Variants in ERC1 observed in about 807,000 individuals in gnomAD.
ERC1 encodes the protein ELKS/RAB6-interacting/CAST family member 1.
In ERC1, 56 loss-of-function variants were observed where a neutral mutation model predicts 132.0. The ratio of observed to expected loss-of-function variants is 0.42; its 90% CI spans 0.34 to 0.53. The LOEUF is 0.53. ERC1 is among the 20% of genes least tolerant of loss of function. The pLI is 0.03. For synonymous variants in ERC1, 478 were observed against 476.1 expected (o/e 1.00, Z -0.05); for missense variants, 1,202 against 1,349.9 (o/e 0.89, Z 1.72).
intron 8 of ERC1, among the ~76,000 whole-genome samples, chr12:1,144,368 CTG>C (rs1950131977): frequency 6.6e-6 from 1 of 152,112 alleles, no homozygotes; most frequent in African/African-American, 2.4e-5. Flanking sequence ...ACAGTGGACA[CTG>C]TACCCAATGT....
chr12:1,293,629 CAAA>C (rs570069080), intron 15 of ERC1, among the ~76,000 whole-genome samples: 1 of 110,480 alleles, frequency 9.1e-6, no homozygotes, highest in Non-Finnish European at 2.0e-5. Flanking sequence ...AACTCTGTCT[CAAA>C]AAAAAAAAAA....
At chr12:1,225,031 GA>G (rs1168860549) in intron 12 of ERC1, among the ~76,000 whole-genome samples, 4 of 151,884 alleles carry the variant, frequency 2.6e-5, no homozygotes, top group African/African-American at 9.7e-5. Flanking sequence ...AAAACAAAAA[GA>G]AAAAAACATG....
chr12:1,356,304 A>G (rs2085534550), intron 15 of ERC1, among the ~76,000 whole-genome samples: 1 of 151,992 alleles, frequency 6.6e-6, no homozygotes, highest in Non-Finnish European at 1.5e-5. Flanking sequence ...TGCAAAATAT[A>G]AACAGTAATA....
chr12:1,290,514 A>G (rs118122108), intron 15 of ERC1, among the ~76,000 whole-genome samples: 2,022 of 152,314 alleles, frequency 0.013, 20 homozygotes, highest in Middle Eastern at 0.044. Flanking sequence ...GAGCTTTGCT[A>G]TACACATTTT....
intron 17 of ERC1, among the ~76,000 whole-genome samples, chr12:1,408,469 A>G (rs1365541747): frequency 1.3e-5 from 2 of 152,220 alleles, no homozygotes; most frequent in African/African-American, 2.4e-5. Flanking sequence ...GATTTGAACA[A>G]TAAAGAATGC....
At chr12:1,239,400 TC>T (rs1320189241) in intron 13 of ERC1, among the ~76,000 whole-genome samples, 1 of 152,090 alleles carries the variant, frequency 6.6e-6, no homozygotes, top group East Asian at 1.9e-4. Context: ...TTAGGGGTAC[TC>T]CCCACCACTG....
rs1592404695 is a variant in ERC1, at chr12:1,494,791, CGTA to C, written c.*4564_*4566del. 1.3e-5 allele frequency: 3 copies of C among 229,664 alleles called. No individual in the cohort carries two copies. Among genetic ancestry groups the C allele is most frequent in the East Asian group, 6.2e-5 (1 of 16,130 alleles). 14.2% of individuals were successfully genotyped at this position (229,664 alleles called of 1,614,324 possible). A position where few individuals can be genotyped will look rare whatever the true frequency, so the allele number is the denominator to read the frequency against. Reference sequence around the variant, plus strand: ...TGTTGAGATTATTAAAAGATTAAAACGTAGTTGTAGAAATGAAAAATTAAACAG... The same window carrying C: ...TGTTGAGATTATTAAAAGATTAAAACGTTGTAGAAATGAAAAATTAAACAG... On this transcript the variant is annotated 3_prime_UTR_variant, in exon 19 of 19. Coordinates refer to ENST00000360905, the MANE Select transcript of ERC1 (RefSeq NM_178040.4).
chr12:1,188,279 C>G (rs1347757935), intron 11 of ERC1, among the ~76,000 whole-genome samples: 1 of 152,094 alleles, frequency 6.6e-6, no homozygotes, highest in East Asian at 1.9e-4. Context: ...TTGTTGTCCC[C>G]TCTCTTTATG....
At chr12:1,468,592 A>AC (rs1196619886) in intron 18 of ERC1, among the ~76,000 whole-genome samples, 6 of 151,960 alleles carry the variant, frequency 3.9e-5, no homozygotes, top group Non-Finnish European at 7.4e-5. Context: ...ACAGAGCAAG[A>AC]CCCCATCAAA....
rs2078552361 is a variant in ERC1, at chr12:1,279,831, G to A, written c.2620-10021G>A. 2.0e-5 allele frequency among the ~76,000 whole-genome samples: 3 copies of A among 152,088 alleles called. No homozygotes were observed. In the South Asian group the frequency reaches 6.2e-4, roughly 32 times the overall value. On this transcript the variant is annotated intron_variant, in intron 14 of 18. Coordinates refer to ENST00000360905, the MANE Select transcript of ERC1 (RefSeq NM_178040.4). The stretch of plus-strand genomic sequence containing the variant: ...CTGCCTCAGCTTCCCAAGTAGCTGG[G>A]ACTACAGGCGTGCGCCACCATGCCC...
At chr12:1,122,271 ATCTGTG>A (rs58226665) in intron 7 of ERC1, among the ~76,000 whole-genome samples, 8 of 4,272 alleles carry the variant, frequency 1.9e-3, no homozygotes, top group Admixed American at 2.3e-3. Flanking sequence ...CTCTATCTCT[ATCTGTG>A]TCTCTATCTC....
intron 15 of ERC1, among the ~76,000 whole-genome samples, chr12:1,301,841 G>T (rs1471354641): frequency 5.3e-5 from 8 of 152,028 alleles, no homozygotes; most frequent in Non-Finnish European, 1.0e-4. Flanking sequence ...GAAAGAAAAA[G>T]AAATAGAATT....
intron 15 of ERC1, among the ~76,000 whole-genome samples, chr12:1,339,396 CA>C (rs2083605389): frequency 6.6e-5 from 9 of 137,182 alleles, no homozygotes; most frequent in Non-Finnish European, 9.5e-5. Flanking sequence ...AGAGGCAGCT[CA>C]GCTGGACAAC....
intron 3 of ERC1, among the ~76,000 whole-genome samples, chr12:1,093,272 A>G (rs1047127195): frequency 4.0e-5 from 6 of 148,806 alleles, no homozygotes; most frequent in African/African-American, 1.5e-4. Flanking sequence ...CTCAAATCAC[A>G]TTGTTGTTTG....
intron 1 of ERC1, among the ~76,000 whole-genome samples, chr12:995,413 T>G (rs190304140): frequency 1.3e-4 from 20 of 152,282 alleles, no homozygotes; most frequent in South Asian, 2.1e-4. Flanking sequence ...TGTTGGTGGT[T>G]GTTTGCGGGA....
intron 2 of ERC1, among the ~76,000 whole-genome samples, chr12:1,056,008 T>A (rs1274818042): frequency 6.7e-6 from 1 of 148,630 alleles, no homozygotes; most frequent in African/African-American, 2.5e-5. Flanking sequence ...TAAATGAAAA[T>A]AAAAATAAAA....
chr12:1,365,288 T>TG (rs1191392207), intron 15 of ERC1, among the ~76,000 whole-genome samples: 1 of 152,098 alleles, frequency 6.6e-6, no homozygotes, highest in East Asian at 1.9e-4. Flanking sequence ...TTTATCTTCC[T>TG]TACGTGCTCT....
At chr12:1,157,333 G>A (rs2023941) in intron 8 of ERC1, among the ~76,000 whole-genome samples, 35,649 of 152,154 alleles carry the variant, frequency 0.23, 4,419 homozygotes, top group Non-Finnish European at 0.27. Context: ...TTGAACTGCC[G>A]GGCTCAAGCA....
chr12:1,184,418 A>G (rs949503236), intron 11 of ERC1, among the ~76,000 whole-genome samples: 1 of 152,110 alleles, frequency 6.6e-6, no homozygotes, highest in Non-Finnish European at 1.5e-5. Context: ...TTTGGTTTAT[A>G]GCTTATGTGT....
Sources: gnomAD v4.1 joint callset for allele counts (sites outside exome capture counted in the v4.1 genomes callset) on GRCh38, gnomAD v4.1.1 for gene constraint, MANE v1.5 for transcripts, NCBI Gene and HGNC (gene_info 2026-07-23, HGNC 2026-07-21) for gene names.